The following SLC48A1 variants were observed in gnomAD, a reference collection of about 807,000 sequenced individuals.
SLC48A1 encodes solute carrier family 48 member 1, also known as heme transporter HRG1.
A neutral mutation model predicts 14.8 loss-of-function variants in SLC48A1; 6 were observed. The observed-to-expected ratio is 0.41, with a 90% CI of 0.22 to 0.80. The LOEUF (loss-of-function observed/expected upper bound fraction) is 0.80, where lower values mean the gene tolerates loss of function less well. SLC48A1 is among the 30% of genes least tolerant of loss of function. The pLI, the probability that SLC48A1 is intolerant of heterozygous loss-of-function variation, is 0.34. For synonymous variants in SLC48A1, 89 were observed against 90.0 expected (o/e 0.99, Z 0.06); for missense variants, 165 against 204.8 (o/e 0.81, Z 1.19).
chr12:47,756,912 T>G (rs1942093980), upstream of SLC48A1, among the ~76,000 whole-genome samples: 1 of 150,834 alleles, frequency 6.6e-6, no homozygotes, highest in Non-Finnish European at 1.5e-5. Context: ...GAGGCTGTAG[T>G]GAGCCAAGAT....
rs552746055 is a variant in SLC48A1 at position 47,764,145 on chromosome 12, A to AGC, written c.-187+3745_-187+3746dup. ...ACTTCTGCTTCTCAAGGAGAGAGAG[A>AGC]GCATGTGTGTGTATGTGTGTGTGTG... is the stretch of plus-strand genomic sequence containing the variant. On this transcript the variant is annotated intron_variant, in intron 2 of 4. Transcript: ENST00000547002. Among the ~76,000 whole-genome samples the AGC allele has an allele frequency of 7.9e-4, 120 of 152,116 alleles. 4 individuals are homozygous for AGC. In the East Asian group the frequency reaches 0.02, roughly 25 times the overall value.
rs747888893 is a variant in SLC48A1 at position 47,780,859 on chromosome 12, G to A, written c.*578G>A. The stretch of plus-strand genomic sequence containing the variant: ...TGGGATTATAGGTGTGAGCCACCGT[G>A]CCCGGCCTGGATCTGTTTTCTTAGC... On this transcript the variant is annotated 3_prime_UTR_variant, in exon 3 of 3. Transcript: ENST00000442218. The A allele has an allele frequency of 1.9e-5, 10 of 527,328 alleles. No homozygotes were observed. The highest frequency in any genetic ancestry group is 3.9e-5 in the Admixed American group (2 of 50,980). The allele number at this position is 527,328 out of a possible 1,614,324, so 32.7% of individuals were successfully genotyped here. A position where few individuals can be genotyped will look rare whatever the true frequency, so the allele number is the denominator to read the frequency against.
upstream of SLC48A1, among the ~76,000 whole-genome samples, chr12:47,755,024 G>T (rs1941969047): frequency 6.6e-6 from 1 of 152,250 alleles, no homozygotes; most frequent in African/African-American, 2.4e-5. Context: ...CATAGCTAAG[G>T]TGTCAAGCTA....
intron 1 of SLC48A1, chr12:47,758,916 C>T (rs548238524): frequency 2.8e-6 from 3 of 1,070,074 alleles, no homozygotes; most frequent in Non-Finnish European, 3.4e-6. Context: ...ACACCCCCTG[C>T]GCTGCCCGCC....
exon 2 of SLC48A1, chr12:47,760,227 T>C: frequency 7.1e-6 from 7 of 985,478 alleles, no homozygotes; most frequent in Non-Finnish European, 8.4e-6. Context: ...TCATCTGCTG[T>C]GTCCACACAT....
In SLC48A1 at chr12:47,780,996, C is replaced by A. The variant is rs756246260; in HGVS notation, c.*715C>A. The A allele has an allele frequency of 8.1e-6, 4 of 492,180 alleles. No homozygotes were observed. The highest frequency in any genetic ancestry group is 5.9e-5 in the African/African-American group (3 of 50,762). The allele number at this position is 492,180 out of a possible 1,614,324, so 30.5% of individuals were successfully genotyped here. A position where few individuals can be genotyped will look rare whatever the true frequency, so the allele number is the denominator to read the frequency against. On this transcript the variant is annotated 3_prime_UTR_variant, in exon 3 of 3. Coordinates refer to ENST00000442218, the MANE Select transcript of SLC48A1 (RefSeq NM_017842.3). Reference sequence around the variant, plus strand: ...CAGGCAAGGGTTTCCATCCCCGCTGCCCTAGGCACTCTCTTCCCAAGGCCA... The same window carrying A: ...CAGGCAAGGGTTTCCATCCCCGCTGACCTAGGCACTCTCTTCCCAAGGCCA...
intron 1 of SLC48A1, among the ~76,000 whole-genome samples, chr12:47,774,840 A>G (rs1942706971): frequency 6.6e-6 from 1 of 152,128 alleles, no homozygotes; most frequent in South Asian, 2.1e-4. Flanking sequence ...ACAGAGCCCT[A>G]GTTCCTTTCC....
intron 1 of SLC48A1, chr12:47,759,011 G>A (rs1942271315): frequency 1.0e-6 from 1 of 990,778 alleles, no homozygotes; most frequent in South Asian, 4.6e-5. Flanking sequence ...GAAGGGGGCC[G>A]GCACTGGCAG....
At chr12:47,759,202 A>G in intron 1 of SLC48A1, 4 of 692,926 alleles carry the variant, frequency 5.8e-6, no homozygotes, top group South Asian at 6.5e-5. Context: ...GCAAACAAGG[A>G]AACCGGGGAG....
At chr12:47,770,917 T>C (rs573452108), upstream of SLC48A1, 1 of 455,690 alleles carries the variant, frequency 2.2e-6, no homozygotes, top group African/African-American at 2.0e-5. Context: ...CGGTTCCCAC[T>C]GCCTGGAGTA....
intron 1 of SLC48A1, 43 bp downstream of exon 1, chr12:47,773,483 CG>C: frequency 1.6e-6 from 2 of 1,287,728 alleles, no homozygotes; most frequent in Non-Finnish European, 9.9e-7. Context: ...TGCGCGGCTG[CG>C]GGGCGGGCGC....
intron 1 of SLC48A1, among the ~76,000 whole-genome samples, chr12:47,776,489 C>T (rs1942756519): frequency 6.6e-6 from 1 of 152,178 alleles, no homozygotes; most frequent in Non-Finnish European, 1.5e-5. Context: ...TGAGGGGCTC[C>T]ATCTCCTTCA....
chr12:47,757,909 A>G (rs767040334), upstream of SLC48A1: 2 of 1,557,048 alleles, frequency 1.3e-6, no homozygotes, highest in South Asian at 2.4e-5. Context: ...GTGCTCCAGC[A>G]GCAGCTGGTA....
At chr12:47,768,613 A>T (rs984118577), upstream of SLC48A1, 1 of 152,258 alleles carries the variant, frequency 6.6e-6, no homozygotes, top group African/African-American at 2.4e-5. Context: ...TGACATGTCC[A>T]ATAAACTCAA....
At chr12:47,757,113 G>C (rs1942117669), upstream of SLC48A1, among the ~76,000 whole-genome samples, 1 of 152,202 alleles carries the variant, frequency 6.6e-6, no homozygotes, top group South Asian at 2.1e-4. Flanking sequence ...AGGCAACATA[G>C]CGAAACCTGG....
chr12:47,760,118 C>T, intron 1 of SLC48A1: 1 of 750,222 alleles, frequency 1.3e-6, no homozygotes, highest in Non-Finnish European at 1.6e-6. Flanking sequence ...AAAAATGTTT[C>T]CCAGAAGCTT....
At chr12:47,763,209 C>A (rs1565776290) in intron 2 of SLC48A1, among the ~76,000 whole-genome samples, 2 of 152,208 alleles carry the variant, frequency 1.3e-5, no homozygotes, top group African/African-American at 4.8e-5. Context: ...TCCTTCCTGG[C>A]TGCCTTCTTG....
Position 47,781,247 on chromosome 12 carries a change from C to G in SLC48A1, c.*966C>G, listed in dbSNP as rs541564414. ...AGGGTCACGGGGAATGTGCTTCTGC[C>G]CCTGTAAGGGCTTTGGGGAAGGGGG... On this transcript the variant is annotated 3_prime_UTR_variant, in exon 3 of 3. Coordinates refer to ENST00000442218, the MANE Select transcript of SLC48A1 (RefSeq NM_017842.3). 4.7e-6 allele frequency: 1 copy of G among 212,722 alleles called. No homozygotes were observed. The highest frequency in any genetic ancestry group is 1.5e-4 in the East Asian group (1 of 6,618). The allele number at this position is 212,722 out of a possible 1,614,324, so 13.2% of individuals were successfully genotyped here. A position where few individuals can be genotyped will look rare whatever the true frequency, so the allele number is the denominator to read the frequency against.
At chr12:47,766,191 AG>A (rs1475620380) in intron 2 of SLC48A1, among the ~76,000 whole-genome samples, 4 of 152,180 alleles carry the variant, frequency 2.6e-5, no homozygotes, top group African/African-American at 9.7e-5. Context: ...GCACTGATGA[AG>A]GCTCCATGGT....
Sources: allele counts gnomAD v4.1 joint callset (sites outside exome capture counted in the v4.1 genomes callset), GRCh38; gene constraint gnomAD v4.1.1; transcripts MANE v1.5; gene names NCBI Gene and HGNC (gene_info 2026-07-23, HGNC 2026-07-21).